SLC16A10: variants seen among roughly 807,000 people sequenced by gnomAD.
The protein encoded by SLC16A10 is monocarboxylate transporter 10.
A neutral mutation model predicts 40.0 loss-of-function variants in SLC16A10; 27 were observed. That is an observed-to-expected ratio of 0.67 (90% CI 0.50 to 0.93). The LOEUF is 0.93. Ranked by LOEUF, SLC16A10 falls within the 40% of genes least tolerant of loss-of-function variation. The pLI is 0.00. For synonymous variants in SLC16A10, 213 were observed against 249.8 expected (o/e 0.85, Z 1.39); for missense variants, 529 against 658.2 (o/e 0.80, Z 2.15).
At chr6:111,133,097 A>G (rs1271449350) in intron 1 of SLC16A10, among the ~76,000 whole-genome samples, 1 of 152,206 alleles carries the variant, frequency 6.6e-6, no homozygotes, top group Non-Finnish European at 1.5e-5. Flanking sequence ...GCCCAGCTCC[A>G]GGACTCACCC....
intron 3 of SLC16A10, chr6:111,178,315 C>A (rs1772726130): frequency 4.0e-6 from 2 of 505,856 alleles, no homozygotes; most frequent in East Asian, 1.1e-4. Context: ...TACTCAAGAT[C>A]TAAATGAGGA....
Position 111,222,250 on chromosome 6 carries a change from C to T in SLC16A10, c.*15C>T. 2 of 1,574,760 alleles carry T rather than the reference C, an allele frequency of 1.3e-6. No homozygotes were observed. The highest frequency in any genetic ancestry group is 4.6e-5 in the East Asian group (2 of 43,342). On this transcript the variant is annotated 3_prime_UTR_variant, in exon 6 of 6. Transcript: ENST00000368851. Reference sequence around the variant, plus strand: ...CTATTATTTAATATCTTACATACCTCCACCAGACTGGACTTGCTTTTTGAA... The same window carrying T: ...CTATTATTTAATATCTTACATACCTTCACCAGACTGGACTTGCTTTTTGAA...
At chr6:111,195,383 G>A (rs1361331881) in intron 3 of SLC16A10, among the ~76,000 whole-genome samples, 5 of 152,176 alleles carry the variant, frequency 3.3e-5, no homozygotes, top group African/African-American at 1.2e-4. Context: ...AGGGGGAAAT[G>A]AGGAGTTATT....
intron 1 of SLC16A10, among the ~76,000 whole-genome samples, chr6:111,094,589 C>G (rs191196330): frequency 6.6e-6 from 1 of 152,266 alleles, no homozygotes. Flanking sequence ...CCTCATAAAT[C>G]AGTCCCACTT....
chr6:111,186,434 G>C lies in SLC16A10; in HGVS notation c.942+8769G>C, dbSNP rs74817322. Among the ~76,000 whole-genome samples, 601 of 152,276 alleles carry C rather than the reference G, an allele frequency of 3.9e-3. 34 individuals are homozygous for C. The East Asian group carries it at 0.099, about 25-fold the overall frequency. ...ACTAGAAAATAAATTGTTTTGATAT[G>C]GGATGAATAGAAATAGAAATCTTAA... On this transcript the variant is annotated intron_variant, in intron 3 of 5. Transcript: ENST00000368851.
In SLC16A10 at chr6:111,177,759, A is replaced by G. The variant is rs568271853; in HGVS notation, c.942+94A>G. Reference sequence around the variant, plus strand: ...TTAGGTCGAGTTAAAGTTGGCCTCAAACATTATCCTGGTTGTAATTTTGGT... The same window carrying G: ...TTAGGTCGAGTTAAAGTTGGCCTCAGACATTATCCTGGTTGTAATTTTGGT... On this transcript the variant is annotated intron_variant, in intron 3 of 5. Transcript: ENST00000368851. The G allele has an allele frequency of 6.1e-5, 69 of 1,136,862 alleles. 3 individuals are homozygous for G. The South Asian group carries it at 1.2e-3, about 19-fold the overall frequency. 70.4% of individuals were successfully genotyped at this position (1,136,862 alleles called of 1,614,324 possible). A position where few individuals can be genotyped will look rare whatever the true frequency, so the allele number is the denominator to read the frequency against.
intron 1 of SLC16A10, among the ~76,000 whole-genome samples, chr6:111,115,036 A>T (rs188058922): frequency 3.3e-5 from 5 of 151,912 alleles, no homozygotes; most frequent in Admixed American, 6.6e-5. Flanking sequence ...TATTTTTTTT[A>T]AATAGTATTT....
chr6:111,222,340 A>G lies in SLC16A10; in HGVS notation c.*105A>G. On this transcript the variant is annotated 3_prime_UTR_variant, in exon 6 of 6. Coordinates refer to ENST00000368851, the MANE Select transcript of SLC16A10 (RefSeq NM_018593.5). ...TTTCATATTTTTTTAATCACATCCT[A>G]GGAATAGCACAATAATTGGGAAATA... 2.9e-6 allele frequency: 4 copies of G among 1,391,898 alleles called. No individual in the cohort carries two copies. Among genetic ancestry groups the G allele is most frequent in the Non-Finnish European group, 3.8e-6 (4 of 1,056,710 alleles). The allele number at this position is 1,391,898 out of a possible 1,614,324, so 86.2% of individuals were successfully genotyped here.
chr6:111,092,575 A>G (rs1448250916), intron 1 of SLC16A10, among the ~76,000 whole-genome samples: 1 of 150,240 alleles, frequency 6.7e-6, no homozygotes, highest in Non-Finnish European at 1.5e-5. Flanking sequence ...CGGCTTCCCA[A>G]AGTGCTGGGA....
intron 1 of SLC16A10, among the ~76,000 whole-genome samples, chr6:111,109,624 A>T (rs1227375964): frequency 1.3e-5 from 2 of 151,566 alleles, no homozygotes; most frequent in Non-Finnish European, 2.9e-5. Context: ...CTAATTTTTA[A>T]ATTGTTTGTA....
chr6:111,092,766 G>A (rs541640627), intron 1 of SLC16A10, among the ~76,000 whole-genome samples: 6 of 151,842 alleles, frequency 4.0e-5, no homozygotes, highest in African/African-American at 1.2e-4. Context: ...TGGGCTGGGC[G>A]CAGTGGCTCA....
At chr6:111,100,959 C>CTCTCTCT (rs1562397089) in intron 1 of SLC16A10, among the ~76,000 whole-genome samples, 13 of 81,492 alleles carry the variant, frequency 1.6e-4, no homozygotes, top group African/African-American at 5.7e-4. Context: ...TCTTTCTCTC[C>CTCTCTCT]CTCTCTCTCT....
chr6:111,093,098 T>G (rs1771013049), intron 1 of SLC16A10, among the ~76,000 whole-genome samples: 1 of 151,760 alleles, frequency 6.6e-6, no homozygotes, highest in Non-Finnish European at 1.5e-5. Context: ...TTGTTTTAAC[T>G]CTGCTAGATA....
At chr6:111,120,975 T>C (rs1383297243) in intron 1 of SLC16A10, among the ~76,000 whole-genome samples, 23 of 152,210 alleles carry the variant, frequency 1.5e-4, no homozygotes, top group Admixed American at 1.5e-3. Flanking sequence ...TGTGGGTAGA[T>C]AGCAGCCAAG....
rs1389845907 is a variant in SLC16A10 at position 111,218,917 on chromosome 6, G to T, written c.1190G>T (p.Gly397Val). Residue 397 changes from glycine to valine, a missense_variant, in exon 5 of 6, where the codon GGA becomes GTA. Physicochemically the swap from Gly to Val is moderately radical, Grantham distance 109. Coordinates refer to ENST00000368851, the MANE Select transcript of SLC16A10 (RefSeq NM_018593.5). ...AVCLIMGLFD[G>V]CFISIMAPIA... The stretch of plus-strand genomic sequence containing the variant: ...TGCCTCATCATGGGTCTCTTCGATG[G>T]ATGCTTCATTTCCATTATGGCTCCC... 1 of 1,614,102 alleles carries T rather than the reference G, an allele frequency of 6.2e-7. No individual in the cohort carries two copies. The highest frequency in any genetic ancestry group is 8.5e-7 in the Non-Finnish European group (1 of 1,180,020).
At chr6:111,105,391 T>G (rs1771265887) in intron 1 of SLC16A10, among the ~76,000 whole-genome samples, 2 of 152,224 alleles carry the variant, frequency 1.3e-5, no homozygotes, top group Admixed American at 1.3e-4. Context: ...GGAGAGCTAC[T>G]ATAATACTAT....
chr6:111,186,139 A>G (rs2114558985), intron 3 of SLC16A10, among the ~76,000 whole-genome samples: 1 of 152,216 alleles, frequency 6.6e-6, no homozygotes. Flanking sequence ...TGCTCAAACA[A>G]TCCTCCTGCC....
chr6:111,222,245 T>TA lies in SLC16A10; in HGVS notation c.*11dup, dbSNP rs773480871. The TA allele has an allele frequency of 1.9e-6, 3 of 1,586,818 alleles. No homozygotes were observed. The South Asian group carries it at 3.5e-5, about 19-fold the overall frequency. ...TGACTCTATTATTTAATATCTTACA[T>TA]ACCTCCACCAGACTGGACTTGCTTT... On this transcript the variant is annotated 3_prime_UTR_variant, in exon 6 of 6. Transcript: ENST00000368851.
Position 111,204,176 on chromosome 6 carries a change from G to T in SLC16A10, c.943-2416G>T, listed in dbSNP as rs1029632615. On this transcript the variant is annotated intron_variant, in intron 3 of 5. Transcript: ENST00000368851. ...AAGGAATGGAACTAAAATACCATGAGGAATGTGGGCCAAAGGAAACAAGTC... is the reference window on the plus strand; with the variant it reads ...AAGGAATGGAACTAAAATACCATGATGAATGTGGGCCAAAGGAAACAAGTC... 3.9e-5 allele frequency among the ~76,000 whole-genome samples: 6 copies of T among 152,110 alleles called. No homozygotes were observed. The South Asian group carries it at 1.2e-3, about 32-fold the overall frequency.
Sources: allele counts gnomAD v4.1 joint callset (sites outside exome capture counted in the v4.1 genomes callset), GRCh38; gene constraint gnomAD v4.1.1; transcripts MANE v1.5; gene names NCBI Gene and HGNC (gene_info 2026-07-23, HGNC 2026-07-21).